SLC26A5: variants seen among roughly 807,000 people sequenced by gnomAD.
The protein encoded by SLC26A5 is solute carrier family 26 member 5.
SLC26A5 carries 51 observed loss-of-function variants against 81.0 expected under a neutral mutation model. The observed-to-expected ratio is 0.63, with a 90% CI of 0.50 to 0.80. SLC26A5 has a LOEUF of 0.80. Among genes scored for constraint, SLC26A5 ranks in the 30% least tolerant of loss-of-function variants. The pLI is 0.00. For missense variants in SLC26A5, 771 were observed against 905.8 expected (o/e 0.85, Z 1.91); for synonymous variants, 325 against 332.8 (o/e 0.98, Z 0.25).
In SLC26A5 at chr7:103,410,375, TCTTA is replaced by T. The variant is rs1824387517; in HGVS notation, c.735+6_735+9del. On this transcript the variant is annotated splice_donor_region_variant and intron_variant, in intron 7 of 19. Coordinates refer to ENST00000306312, the MANE Select transcript of SLC26A5 (RefSeq NM_198999.3). ...AAAAGTACCAGAACGTCAGGTAGTT[TCTTA>T]CTTACATACACCACGGAAAAGATTC... 2 of 1,611,738 alleles carry T rather than the reference TCTTA, an allele frequency of 1.2e-6. No individual in the cohort carries two copies. The highest frequency in any genetic ancestry group is 1.7e-6 in the Non-Finnish European group (2 of 1,177,800).
chr7:103,426,048 T>C (rs1825691716), intron 2 of SLC26A5, among the ~76,000 whole-genome samples: 1 of 152,252 alleles, frequency 6.6e-6, no homozygotes, highest in Admixed American at 6.5e-5. Context: ...AAATAAATTC[T>C]GTGCAATGCA....
intron 2 of SLC26A5, among the ~76,000 whole-genome samples, chr7:103,437,209 A>C (rs1826513829): frequency 6.6e-6 from 1 of 152,250 alleles, no homozygotes; most frequent in African/African-American, 2.4e-5. Flanking sequence ...TATTTAGGGA[A>C]ATGCACTTTA....
chr7:103,361,824 C>T, intron 19 of SLC26A5: 1 of 845,006 alleles, frequency 1.2e-6, no homozygotes, highest in Admixed American at 3.9e-5. Flanking sequence ...AGAAAAGGAT[C>T]TTTAACAGTG....
chr7:103,373,231 T>C (rs1388332606), downstream of SLC26A5, among the ~76,000 whole-genome samples: 1 of 152,224 alleles, frequency 6.6e-6, no homozygotes, highest in Non-Finnish European at 1.5e-5. Flanking sequence ...GGGAAAAATC[T>C]AACTGGATGA....
At chr7:103,356,697 A>C (rs1820053812) in intron 19 of SLC26A5, among the ~76,000 whole-genome samples, 1 of 152,168 alleles carries the variant, frequency 6.6e-6, no homozygotes, top group African/African-American at 2.4e-5. Flanking sequence ...TCTTTTCTTA[A>C]GTATGCTACA....
intron 8 of SLC26A5, among the ~76,000 whole-genome samples, chr7:103,402,838 T>C (rs1032878939): frequency 2.0e-5 from 3 of 152,186 alleles, no homozygotes; most frequent in Non-Finnish European, 4.4e-5. Context: ...CTGGATTCAT[T>C]GATTTTTTTG....
At chr7:103,368,257 C>T in intron 19 of SLC26A5, 2 of 544,604 alleles carry the variant, frequency 3.7e-6, no homozygotes, top group South Asian at 3.1e-5. Flanking sequence ...TTTTTTGACC[C>T]ACACCCGTTT....
At chr7:103,417,146 T>C (rs149484785) in intron 4 of SLC26A5, among the ~76,000 whole-genome samples, 2,442 of 151,804 alleles carry the variant, frequency 0.016, 62 homozygotes, top group African/African-American at 0.057. Flanking sequence ...CCGAGGCGGG[T>C]GGATCACAAG....
At chr7:103,404,776 T>C (rs1027743856) in intron 8 of SLC26A5, among the ~76,000 whole-genome samples, 2 of 152,192 alleles carry the variant, frequency 1.3e-5, no homozygotes, top group African/African-American at 4.8e-5. Context: ...TGAAGAGTGT[T>C]TTCCAACTTG....
At chr7:103,386,511 C>T (rs933243749) in intron 14 of SLC26A5, among the ~76,000 whole-genome samples, 6 of 151,470 alleles carry the variant, frequency 4.0e-5, no homozygotes, top group East Asian at 2.0e-4. Context: ...TGCAGTGAGC[C>T]GAGATCATGC....
intron 10 of SLC26A5, 110 bp from the exon 11 acceptor site, chr7:103,391,845 T>C: frequency 2.4e-6 from 2 of 842,856 alleles, no homozygotes. Context: ...TCTCTTCATT[T>C]TCCTTTCAGA....
chr7:103,371,388 G>A (rs1057319932), downstream of SLC26A5, among the ~76,000 whole-genome samples: 27 of 150,222 alleles, frequency 1.8e-4, no homozygotes, highest in Admixed American at 1.2e-3. Context: ...GCAGTGGCGC[G>A]ATCTCGGCTC....
intron 10 of SLC26A5, 42 bp downstream of exon 10, chr7:103,392,877 T>C (rs889181769): frequency 6.2e-7 from 1 of 1,612,154 alleles, no homozygotes; most frequent in African/African-American, 1.3e-5. Flanking sequence ...CATTGGTGAT[T>C]GTACTGCTAT....
chr7:103,439,014 A>G (rs2116856561), intron 2 of SLC26A5, among the ~76,000 whole-genome samples: 1 of 152,342 alleles, frequency 6.6e-6, no homozygotes, highest in Admixed American at 6.5e-5. Flanking sequence ...CAACACAACC[A>G]CTTTGTGTCT....
At chr7:103,400,755 G>A (rs777482857) in intron 8 of SLC26A5, among the ~76,000 whole-genome samples, 15 of 152,190 alleles carry the variant, frequency 9.9e-5, no homozygotes, top group Admixed American at 5.9e-4. Context: ...TAAGGTGTAA[G>A]AAAGGGGTGC....
chr7:103,437,264 C>A (rs1379718389), intron 2 of SLC26A5, among the ~76,000 whole-genome samples: 1 of 152,116 alleles, frequency 6.6e-6, no homozygotes, highest in Non-Finnish European at 1.5e-5. Flanking sequence ...TGGCCTTCAT[C>A]AAAAAGATGA....
chr7:103,363,516 A>G (rs1820528982), intron 19 of SLC26A5: 2 of 1,263,050 alleles, frequency 1.6e-6, no homozygotes, highest in South Asian at 1.2e-5. Flanking sequence ...AATTGCTTGT[A>G]TATTAGATGG....
chr7:103,444,893 C>A (rs940512072), intron 1 of SLC26A5, among the ~76,000 whole-genome samples: 1 of 152,170 alleles, frequency 6.6e-6, no homozygotes, highest in Non-Finnish European at 1.5e-5. Context: ...CAAAGCAATA[C>A]TACCGTAATT....
chr7:103,380,360 T>C, intron 15 of SLC26A5, 120 bp downstream of exon 15: 1 of 768,682 alleles, frequency 1.3e-6, no homozygotes, highest in Admixed American at 2.1e-5. Flanking sequence ...AAGCTCAGAC[T>C]TTTCACTTTG....
Sources: allele counts gnomAD v4.1 joint callset (sites outside exome capture counted in the v4.1 genomes callset), GRCh38; gene constraint gnomAD v4.1.1; transcripts MANE v1.5; gene names NCBI Gene and HGNC (gene_info 2026-07-23, HGNC 2026-07-21).